EIF2B3: variants seen among roughly 807,000 people sequenced by gnomAD.
EIF2B3 encodes the protein translation initiation factor eIF2B subunit gamma.
A neutral mutation model predicts 54.1 loss-of-function variants in EIF2B3; 20 were observed. The observed-to-expected ratio is 0.37, with a 90% CI of 0.26 to 0.54. The LOEUF (loss-of-function observed/expected upper bound fraction) is 0.54. EIF2B3 is among the 20% of genes least tolerant of loss of function. The probability of loss-of-function intolerance (pLI) is 0.86; values close to 1 mark genes in which losing one functional copy is unlikely to be tolerated. For synonymous variants in EIF2B3, 153 were observed against 188.1 expected, an observed-to-expected ratio of 0.81 and a Z score of 1.52; for missense variants, 448 against 547.8, an observed-to-expected ratio of 0.82 and a Z score of 1.82.
chr1:44,874,948 C>G, intron 9 of EIF2B3, 122 bp from the exon 10 acceptor site: 2 of 1,252,372 alleles, frequency 1.6e-6, no homozygotes, highest in South Asian at 1.2e-5. Flanking sequence ...CAAGAGGGAC[C>G]ATGATCAGTA....
At position 44,944,459 on chromosome 1, in the gene EIF2B3, C is replaced by T. The variant is rs555046949; in HGVS notation, c.295-2794G>A. On this transcript the variant is annotated intron_variant, in intron 3 of 11. Coordinates refer to ENST00000360403, the MANE Select transcript of EIF2B3 (RefSeq NM_020365.5). Reference sequence around the variant, plus strand: ...AGAGTGAGCTATGATCACATCACTGCACTTCTGCCTGGGTGACAGTGCAAG... The same window carrying T: ...AGAGTGAGCTATGATCACATCACTGTACTTCTGCCTGGGTGACAGTGCAAG... 5.3e-5 allele frequency among the ~76,000 whole-genome samples: 8 copies of T among 150,540 alleles called. No individual in the cohort carries two copies. In the East Asian group the frequency reaches 1.4e-3, roughly 26 times the overall value.
chr1:44,920,947 C>T (rs1436902023), intron 5 of EIF2B3, among the ~76,000 whole-genome samples: 4 of 152,168 alleles, frequency 2.6e-5, no homozygotes, highest in Non-Finnish European at 5.9e-5. Flanking sequence ...CTATTTTTTA[C>T]TTTTTTGAGG....
At chr1:44,978,272 T>C (rs778131681) in intron 3 of EIF2B3, 43 bp downstream of exon 3, 1 of 1,602,332 alleles carries the variant, frequency 6.2e-7, no homozygotes, top group Non-Finnish European at 8.5e-7. Context: ...TAAGATATCA[T>C]CTATCTTCAA....
At chr1:44,976,749 A>AG (rs1393240152) in intron 3 of EIF2B3, among the ~76,000 whole-genome samples, 2 of 152,238 alleles carry the variant, frequency 1.3e-5, no homozygotes, top group African/African-American at 4.8e-5. Context: ...TACTTTCAAT[A>AG]ACATGAAAGA....
intron 5 of EIF2B3, among the ~76,000 whole-genome samples, chr1:44,919,034 G>A (rs2148927630): frequency 6.6e-6 from 1 of 152,172 alleles, no homozygotes; most frequent in East Asian, 1.9e-4. Flanking sequence ...ATCAGTGACT[G>A]CATTAGTATG....
chr1:44,909,010 G>A (rs1228507993), intron 5 of EIF2B3, among the ~76,000 whole-genome samples: 1 of 152,150 alleles, frequency 6.6e-6, no homozygotes, highest in Non-Finnish European at 1.5e-5. Flanking sequence ...GGTTCTGAGG[G>A]TTCAGCTAAG....
At chr1:44,896,251 C>CTG (rs1156707905) in intron 6 of EIF2B3, among the ~76,000 whole-genome samples, 3 of 152,182 alleles carry the variant, frequency 2.0e-5, no homozygotes, top group African/African-American at 7.2e-5. Context: ...AGCAGGGCAA[C>CTG]TGTGTCCTTG....
At chr1:44,866,240 TACAA>T (rs1443040238) in intron 10 of EIF2B3, among the ~76,000 whole-genome samples, 2 of 151,820 alleles carry the variant, frequency 1.3e-5, no homozygotes, top group African/African-American at 2.4e-5. Flanking sequence ...CTACTAAAAA[TACAA>T]ACAATTAGCT....
At chr1:44,956,818 G>A (rs907441950) in intron 3 of EIF2B3, among the ~76,000 whole-genome samples, 1 of 152,076 alleles carries the variant, frequency 6.6e-6, no homozygotes, top group African/African-American at 2.4e-5. Context: ...AACATCAAAT[G>A]GATCAGAGAC....
intron 3 of EIF2B3, among the ~76,000 whole-genome samples, chr1:44,942,342 G>C (rs1332345201): frequency 4.0e-4 from 43 of 108,374 alleles, no homozygotes; most frequent in Middle Eastern, 7.1e-3. Context: ...AATCAACGAA[G>C]AAAAGGTTTT....
chr1:44,914,846 G>A (rs1418396658), intron 5 of EIF2B3, among the ~76,000 whole-genome samples: 2 of 152,036 alleles, frequency 1.3e-5, no homozygotes, highest in African/African-American at 4.8e-5. Context: ...CCGCCACCAC[G>A]CCCAGCTAAT....
At chr1:44,976,871 T>A (rs1192812257) in intron 3 of EIF2B3, among the ~76,000 whole-genome samples, 3 of 152,182 alleles carry the variant, frequency 2.0e-5, no homozygotes, top group Non-Finnish European at 2.9e-5. Flanking sequence ...AGAAGAGTGG[T>A]TGACTCAGAA....
At chr1:44,855,534 G>T (rs1237862635) in intron 11 of EIF2B3, among the ~76,000 whole-genome samples, 1 of 151,694 alleles carries the variant, frequency 6.6e-6, no homozygotes, top group African/African-American at 2.4e-5. Context: ...GATGCATATA[G>T]TTATGAGACA....
chr1:44,962,204 ACATCATCATCATCAT>A (rs113470749), intron 3 of EIF2B3, among the ~76,000 whole-genome samples: 82 of 146,440 alleles, frequency 5.6e-4, no homozygotes, highest in African/African-American at 1.6e-3. Flanking sequence ...ATCATCATCA[ACATCATCATCATCAT>A]CATCATCATC....
intron 10 of EIF2B3, among the ~76,000 whole-genome samples, chr1:44,870,796 G>A (rs914228787): frequency 1.3e-5 from 2 of 151,986 alleles, no homozygotes; most frequent in Non-Finnish European, 2.9e-5. Flanking sequence ...GGTATTACAG[G>A]TGTGTGCCAC....
intron 5 of EIF2B3, among the ~76,000 whole-genome samples, chr1:44,919,119 G>A (rs1202162772): frequency 2.0e-5 from 3 of 152,122 alleles, no homozygotes; most frequent in Non-Finnish European, 4.4e-5. Flanking sequence ...AGGCTGAGGT[G>A]GGTGGATCAC....
intron 3 of EIF2B3, among the ~76,000 whole-genome samples, chr1:44,975,768 C>T (rs926302926): frequency 1.4e-4 from 22 of 151,998 alleles, no homozygotes; most frequent in South Asian, 4.1e-4. Flanking sequence ...CCTGGGAGCC[C>T]GAGACCAGCC....
chr1:44,895,524 C>CTA (rs887678863), intron 6 of EIF2B3, among the ~76,000 whole-genome samples: 20 of 151,458 alleles, frequency 1.3e-4, no homozygotes, highest in African/African-American at 3.2e-4. Context: ...CTCTCTCTCT[C>CTA]TCTCTATATA....
intron 5 of EIF2B3, among the ~76,000 whole-genome samples, chr1:44,916,286 A>C (rs1295958793): frequency 6.6e-6 from 1 of 152,032 alleles, no homozygotes; most frequent in East Asian, 1.9e-4. Context: ...CAGTGGCATC[A>C]TCTTGGCTCT....
Sources: allele counts gnomAD v4.1 joint callset (sites outside exome capture counted in the v4.1 genomes callset), GRCh38; gene constraint gnomAD v4.1.1; transcripts MANE v1.5; gene names NCBI Gene and HGNC (gene_info 2026-07-23, HGNC 2026-07-21).